The following NBEA variants were observed in gnomAD, a reference collection of about 807,000 sequenced individuals.
NBEA encodes the protein neurobeachin, also known as lysosomal-trafficking regulator 2.
NBEA carries 44 observed loss-of-function variants against 343.4 expected under a neutral mutation model. The ratio of observed to expected loss-of-function variants is 0.13; its 90% confidence interval spans 0.10 to 0.16. The LOEUF (loss-of-function observed/expected upper bound fraction) is 0.16. NBEA is among the 10% of genes least tolerant of loss of function. The pLI is 1.00. For missense variants in NBEA, 2,555 were observed against 3,631.3 expected, an observed-to-expected ratio of 0.70 and a Z score of 7.62; for synonymous variants, 1,175 against 1,238.7, an observed-to-expected ratio of 0.95 and a Z score of 1.08.
intron 34 of NBEA, among the ~76,000 whole-genome samples, chr13:35,266,773 C>A (rs77984707): frequency 6.6e-6 from 1 of 151,728 alleles, no homozygotes; most frequent in East Asian, 1.9e-4. Flanking sequence ...TATAGTACAA[C>A]CTGGTGACTA....
At position 35,050,772 on chromosome 13, in the gene NBEA, A is replaced by AT. The variant is rs143312419; in HGVS notation, c.972+385dup. Reference sequence around the variant, plus strand: ...CCCAGATTAAGCAATGCACAGACACATTTTTTTTGTGGGAGATTAACCTAA... The same window carrying AT: ...CCCAGATTAAGCAATGCACAGACACATTTTTTTTTGTGGGAGATTAACCTAA... On this transcript the variant is annotated intron_variant, in intron 6 of 58. Coordinates refer to ENST00000379939, the MANE Select transcript of NBEA (RefSeq NM_001385012.1). 6.6e-3 allele frequency among the ~76,000 whole-genome samples: 1,003 copies of AT among 151,754 alleles called. 5 individuals carry two copies. Among genetic ancestry groups the AT allele is most frequent in the African/African-American group, 0.015 (610 of 41,424 alleles).
At chr13:35,420,987 C>G (rs1434703768) in intron 38 of NBEA, among the ~76,000 whole-genome samples, 1 of 151,788 alleles carries the variant, frequency 6.6e-6, no homozygotes. Flanking sequence ...TTTCTGTTTT[C>G]AGTTTCACTG....
intron 35 of NBEA, among the ~76,000 whole-genome samples, chr13:35,300,845 C>T (rs2036491163): frequency 6.6e-6 from 1 of 152,076 alleles, no homozygotes; most frequent in African/African-American, 2.4e-5. Flanking sequence ...CATTTTTCTT[C>T]TCATTCCGTT....
At chr13:35,275,787 A>G (rs948066001) in intron 34 of NBEA, among the ~76,000 whole-genome samples, 5 of 152,198 alleles carry the variant, frequency 3.3e-5, no homozygotes, top group African/African-American at 1.2e-4. Flanking sequence ...GAGATATGCA[A>G]ATCAAAACCA....
At chr13:35,096,822 G>C (rs181976965) in intron 10 of NBEA, among the ~76,000 whole-genome samples, 30 of 152,008 alleles carry the variant, frequency 2.0e-4, no homozygotes, top group Admixed American at 1.7e-3. Context: ...AAATGGACTA[G>C]ATTGCTTAAC....
intron 53 of NBEA, among the ~76,000 whole-genome samples, chr13:35,652,434 A>C (rs1048617717): frequency 6.6e-5 from 10 of 151,324 alleles, no homozygotes; most frequent in Non-Finnish European, 1.0e-4. Context: ...AGGTCAGGAG[A>C]TCGAGACCAT....
chr13:35,198,134 G>T (rs1262762722), intron 31 of NBEA, among the ~76,000 whole-genome samples: 1 of 152,062 alleles, frequency 6.6e-6, no homozygotes, highest in Admixed American at 6.6e-5. Context: ...ATATAGTGAT[G>T]TTCCCTGGGT....
At chr13:35,166,735 A>T (rs888530756) in intron 24 of NBEA, among the ~76,000 whole-genome samples, 1 of 152,050 alleles carries the variant, frequency 6.6e-6, no homozygotes, top group Non-Finnish European at 1.5e-5. Flanking sequence ...TTGTTTTTGT[A>T]TTACTGGGTT....
At chr13:35,015,757 CT>C (rs1337926295) in intron 1 of NBEA, among the ~76,000 whole-genome samples, 2 of 151,900 alleles carry the variant, frequency 1.3e-5, no homozygotes, top group East Asian at 1.9e-4. Flanking sequence ...GAAACAATAA[CT>C]TTTTATATTA....
At chr13:35,523,905 A>C (rs561079636) in intron 41 of NBEA, among the ~76,000 whole-genome samples, 1 of 152,092 alleles carries the variant, frequency 6.6e-6, no homozygotes, top group African/African-American at 2.4e-5. Flanking sequence ...CTGCTTTTTT[A>C]AGATTTAAAT....
intron 15 of NBEA, 41 bp from the exon 16 acceptor site, chr13:35,118,336 T>G: frequency 6.4e-7 from 1 of 1,573,600 alleles, no homozygotes; most frequent in Non-Finnish European, 8.6e-7. Context: ...TAAGCCAATC[T>G]TTAGAGTAAA....
chr13:35,585,131 T>TAAAAAAAATAAAA (rs2081240778), intron 46 of NBEA, among the ~76,000 whole-genome samples: 1 of 71,448 alleles, frequency 1.4e-5, no homozygotes, highest in Non-Finnish European at 2.4e-5. Flanking sequence ...TCACTGACCT[T>TAAAAAAAATAAAA]AAAAAAAAAA....
At chr13:35,047,608 T>G (rs2152562105) in intron 4 of NBEA, among the ~76,000 whole-genome samples, 1 of 151,940 alleles carries the variant, frequency 6.6e-6, no homozygotes, top group African/African-American at 2.4e-5. Flanking sequence ...GTGGAATAGC[T>G]GGTATATTTA....
chr13:35,597,789 T>G lies in NBEA; in HGVS notation c.7296+4342T>G, dbSNP rs143581528. ...GCCACTTCATGCCTAGGCCCGGAAG[T>G]CACATCATGTTACTTCCACAGCGTT... On this transcript the variant is annotated intron_variant, in intron 47 of 58. Coordinates refer to ENST00000379939, the MANE Select transcript of NBEA (RefSeq NM_001385012.1). Among the ~76,000 whole-genome samples, 1,186 of 152,202 alleles carry G rather than the reference T, an allele frequency of 7.8e-3. 6 individuals are homozygous for G. Among genetic ancestry groups the G allele is most frequent in the Non-Finnish European group, 0.012 (811 of 67,998 alleles).
At chr13:34,972,584 C>T (rs1265770234) in intron 1 of NBEA, among the ~76,000 whole-genome samples, 1 of 152,088 alleles carries the variant, frequency 6.6e-6, no homozygotes, top group African/African-American at 2.4e-5. Flanking sequence ...TTATTATTTA[C>T]CCAAAAGTCA....
At chr13:35,381,679 A>G (rs951624879) in intron 38 of NBEA, among the ~76,000 whole-genome samples, 1 of 152,090 alleles carries the variant, frequency 6.6e-6, no homozygotes, top group Non-Finnish European at 1.5e-5. Context: ...TAAAGATTAG[A>G]CCTGGTTCTA....
At chr13:35,330,494 T>C (rs2038858937) in intron 36 of NBEA, among the ~76,000 whole-genome samples, 1 of 152,004 alleles carries the variant, frequency 6.6e-6, no homozygotes, top group Admixed American at 6.6e-5. Context: ...ATGGGTTTCA[T>C]CCAGTGTTAA....
At chr13:35,189,448 A>G (rs1407215561) in intron 30 of NBEA, among the ~76,000 whole-genome samples, 1 of 152,048 alleles carries the variant, frequency 6.6e-6, no homozygotes, top group Non-Finnish European at 1.5e-5. Context: ...TTTATCAGAT[A>G]TATAATTATA....
intron 40 of NBEA, among the ~76,000 whole-genome samples, chr13:35,466,904 A>G (rs538421754): frequency 6.6e-6 from 1 of 152,118 alleles, no homozygotes; most frequent in Non-Finnish European, 1.5e-5. Flanking sequence ...TTATTTCCTT[A>G]AGATACTTCA....
Sources: gnomAD v4.1 joint callset for allele counts (sites outside exome capture counted in the v4.1 genomes callset) on GRCh38, gnomAD v4.1.1 for gene constraint, MANE v1.5 for transcripts, NCBI Gene and HGNC (gene_info 2026-07-23, HGNC 2026-07-21) for gene names.